The following MAPK10 variants were observed in gnomAD, a reference collection of about 807,000 sequenced individuals.
MAPK10 encodes the protein JNK3 alpha protein kinase.
Under a neutral mutation model 59.3 loss-of-function variants are expected in MAPK10, and 25 were observed. The ratio of observed to expected loss-of-function variants is 0.42; its 90% CI spans 0.31 to 0.59. The LOEUF is 0.59. Ranked by LOEUF, MAPK10 falls within the 20% of genes least tolerant of loss-of-function variation. MAPK10 has a pLI of 0.15. For synonymous variants in MAPK10, 190 were observed against 200.5 expected (o/e 0.95, Z 0.44); for missense variants, 351 against 568.9 (o/e 0.62, Z 3.90).
At chr4:86,553,153 T>C (rs904237367) in intron 1 of MAPK10, among the ~76,000 whole-genome samples, 9 of 152,142 alleles carry the variant, frequency 5.9e-5, no homozygotes, top group Non-Finnish European at 1.3e-4. Flanking sequence ...TTAGAATTTA[T>C]GAGAAGACTC....
At chr4:86,574,149 T>TG (rs1433998882) in intron 1 of MAPK10, among the ~76,000 whole-genome samples, 2 of 151,832 alleles carry the variant, frequency 1.3e-5, no homozygotes, top group Non-Finnish European at 2.9e-5. Flanking sequence ...AGTGAGAACA[T>TG]GCGGTGTTTG....
At chr4:86,315,288 T>C (rs1432146188) in intron 2 of MAPK10, among the ~76,000 whole-genome samples, 1 of 151,992 alleles carries the variant, frequency 6.6e-6, no homozygotes, top group African/African-American at 2.4e-5. Context: ...TGGTTAATGG[T>C]AATAGGTACA....
chr4:86,433,504 C>A (rs987745375), intron 1 of MAPK10, among the ~76,000 whole-genome samples: 3 of 151,842 alleles, frequency 2.0e-5, no homozygotes, highest in African/African-American at 7.3e-5. Context: ...TTTTTTCCTC[C>A]CTCCTATGTG....
intron 9 of MAPK10, among the ~76,000 whole-genome samples, chr4:86,097,897 C>T (rs1419722925): frequency 1.3e-5 from 2 of 152,060 alleles, no homozygotes; most frequent in Admixed American, 6.6e-5. Context: ...GTTGGGAAAA[C>T]AAGCATGTAT....
intron 1 of MAPK10, among the ~76,000 whole-genome samples, chr4:86,512,256 AT>A (rs1359122697): frequency 6.6e-6 from 1 of 152,222 alleles, no homozygotes; most frequent in East Asian, 1.9e-4. Flanking sequence ...GAAACTCTTC[AT>A]GAGTATTCTT....
intron 1 of MAPK10, among the ~76,000 whole-genome samples, chr4:86,430,557 G>T (rs1383298211): frequency 6.6e-6 from 1 of 152,180 alleles, no homozygotes; most frequent in Non-Finnish European, 1.5e-5. Flanking sequence ...ATATACCATA[G>T]AGTTGGGTCA....
intron 1 of MAPK10, among the ~76,000 whole-genome samples, chr4:86,511,729 GA>G (rs1756277270): frequency 6.7e-6 from 1 of 149,654 alleles, no homozygotes; most frequent in African/African-American, 2.5e-5. Flanking sequence ...GCGGGAGCAG[GA>G]GGGGGAGCGA....
At chr4:86,551,566 C>CT (rs1400207485) in intron 1 of MAPK10, among the ~76,000 whole-genome samples, 11 of 142,268 alleles carry the variant, frequency 7.7e-5, no homozygotes, top group Non-Finnish European at 1.6e-4. Flanking sequence ...CTTCCTTCTT[C>CT]TCTCTTTCTT....
At chr4:86,591,365 T>TTTATTA (rs553024157) in intron 1 of MAPK10, among the ~76,000 whole-genome samples, 11 of 152,128 alleles carry the variant, frequency 7.2e-5, no homozygotes, top group African/African-American at 2.6e-4. Flanking sequence ...CATATGTTTT[T>TTTATTA]TTATTATTAT....
intron 3 of MAPK10, among the ~76,000 whole-genome samples, chr4:86,177,823 C>CAGT (rs1183888566): frequency 1.3e-5 from 2 of 151,902 alleles, no homozygotes; most frequent in Non-Finnish European, 2.9e-5. Context: ...ATCAAGTGAT[C>CAGT]AGTAATTTTG....
chr4:86,023,852 A>ATATATATATATATATATATATAT (rs1560633949), intron 13 of MAPK10: 1 of 98,486 alleles, frequency 1.0e-5, no homozygotes, highest in African/African-American at 5.4e-5. Context: ...TATATATATA[A>ATATATATATATATATATATATAT]AATGAATGTT....
At chr4:86,345,500 T>A (rs1156417122) in intron 2 of MAPK10, among the ~76,000 whole-genome samples, 2 of 152,172 alleles carry the variant, frequency 1.3e-5, no homozygotes, top group African/African-American at 4.8e-5. Flanking sequence ...CCTTTAGAAA[T>A]CAGGATTTCT....
chr4:86,377,495 C>G (rs1463477315), intron 1 of MAPK10, among the ~76,000 whole-genome samples: 1 of 152,214 alleles, frequency 6.6e-6, no homozygotes, highest in Non-Finnish European at 1.5e-5. Context: ...TCAAATCTTA[C>G]TTGGAGTGGG....
intron 2 of MAPK10, among the ~76,000 whole-genome samples, chr4:86,220,750 G>T (rs1248236370): frequency 1.3e-5 from 2 of 152,124 alleles, no homozygotes; most frequent in Non-Finnish European, 2.9e-5. Flanking sequence ...TAATATATTT[G>T]TATGGCGTTT....
At chr4:86,418,719 A>G (rs1579142752) in intron 1 of MAPK10, among the ~76,000 whole-genome samples, 2 of 152,260 alleles carry the variant, frequency 1.3e-5, no homozygotes, top group Non-Finnish European at 2.9e-5. Context: ...ACACTTGCAC[A>G]TGCATGTTTA....
intron 1 of MAPK10, among the ~76,000 whole-genome samples, chr4:86,430,279 T>A (rs998622107): frequency 1.3e-5 from 2 of 152,232 alleles, no homozygotes; most frequent in African/African-American, 4.8e-5. Context: ...AACTGGTCCA[T>A]GTTATTAAAT....
intron 1 of MAPK10, among the ~76,000 whole-genome samples, chr4:86,573,656 C>G (rs1761635738): frequency 6.6e-6 from 1 of 152,150 alleles, no homozygotes; most frequent in Admixed American, 6.5e-5. Context: ...TGAAATTGCA[C>G]AGATTCTATA....
chr4:86,198,113 G>C (rs149170139), intron 2 of MAPK10, among the ~76,000 whole-genome samples: 1,611 of 152,144 alleles, frequency 0.011, 11 homozygotes, highest in Middle Eastern at 0.034. Flanking sequence ...TCATATTTCC[G>C]CATGTTTTGC....
intron 4 of MAPK10, among the ~76,000 whole-genome samples, chr4:86,158,619 A>T (rs1224329112): frequency 6.6e-6 from 1 of 151,886 alleles, no homozygotes; most frequent in South Asian, 2.1e-4. Flanking sequence ...GTTTATATTA[A>T]ATACATTTGG....
Sources: gnomAD v4.1 joint callset for allele counts (sites outside exome capture counted in the v4.1 genomes callset) on GRCh38, gnomAD v4.1.1 for gene constraint, MANE v1.5 for transcripts, NCBI Gene and HGNC (gene_info 2026-07-23, HGNC 2026-07-21) for gene names.